Variants in TMLHE observed in about 807,000 individuals in gnomAD.
The protein encoded by TMLHE is trimethyllysine hydroxylase, epsilon.
A neutral mutation model predicts 25.7 loss-of-function variants in TMLHE; 18 were observed. The observed-to-expected ratio is 0.70, with a 90% CI of 0.48 to 1.04. The LOEUF (loss-of-function observed/expected upper bound fraction) is 1.04, where lower values mean the gene tolerates loss of function less well. Ranked by LOEUF, TMLHE falls within the 50% of genes least tolerant of loss-of-function variation. The probability of loss-of-function intolerance (pLI) is 0.00; values close to 1 mark genes in which losing one functional copy is unlikely to be tolerated. For synonymous variants in TMLHE, 105 were observed against 97.0 expected (o/e 1.08, Z -0.49); for missense variants, 236 against 259.0 (o/e 0.91, Z 0.61).
chrX:155,606,522 A>G (rs2067787486), intron 1 of TMLHE, among the ~76,000 whole-genome samples: 1 of 111,629 alleles, frequency 9.0e-6, no homozygotes, highest in Non-Finnish European at 1.9e-5. Context: ...TTGAGTAAAC[A>G]GTGAAATTAA....
At chrX:155,548,613 T>C (rs2067383423) in intron 1 of TMLHE, among the ~76,000 whole-genome samples, 2 of 108,492 alleles carry the variant, frequency 1.8e-5, no homozygotes, top group Non-Finnish European at 3.8e-5. Flanking sequence ...CACACACCTG[T>C]ATTCCCAGCT....
intron 1 of TMLHE, among the ~76,000 whole-genome samples, chrX:155,569,643 G>A (rs2067534967): frequency 1.8e-5 from 1 of 55,633 alleles, no homozygotes; most frequent in Non-Finnish European, 4.7e-5. Flanking sequence ...TCTCTCGGCA[G>A]AAACCCTACA....
chrX:155,557,151 C>T (rs1172421428), intron 1 of TMLHE, among the ~76,000 whole-genome samples: 9 of 111,598 alleles, frequency 8.1e-5, no homozygotes, highest in African/African-American at 2.6e-4. Flanking sequence ...ACATCCTTCT[C>T]GGCTGACAGG....
At chrX:155,610,379 C>T (rs1164954346) in intron 1 of TMLHE, among the ~76,000 whole-genome samples, 3 of 111,570 alleles carry the variant, frequency 2.7e-5, no homozygotes, top group Non-Finnish European at 3.8e-5. Flanking sequence ...ATGTCACTGA[C>T]GTGATGCAAA....
At chrX:155,515,790 GAT>G (rs2067148926) in intron 3 of TMLHE, among the ~76,000 whole-genome samples, 1 of 109,083 alleles carries the variant, frequency 9.2e-6, no homozygotes, top group African/African-American at 3.3e-5. Context: ...AACTATGGTT[GAT>G]GAGTCAAATC....
chrX:155,512,256 C>A (rs77725559), intron 4 of TMLHE, among the ~76,000 whole-genome samples: 1 of 107,358 alleles, frequency 9.3e-6, no homozygotes, highest in African/African-American at 3.5e-5. Context: ...CATGCTGGTG[C>A]GCTGCACCCA....
intron 1 of TMLHE, among the ~76,000 whole-genome samples, chrX:155,578,592 G>T (rs782330761): frequency 8.9e-6 from 1 of 111,969 alleles, no homozygotes; most frequent in East Asian, 2.8e-4. Flanking sequence ...GTTGTAGGAG[G>T]ATGCCCCATC....
intron 1 of TMLHE, among the ~76,000 whole-genome samples, chrX:155,556,157 A>G (rs184763888): frequency 4.1e-4 from 37 of 90,602 alleles, no homozygotes; most frequent in Non-Finnish European, 7.5e-4. Context: ...TCTCTAGAAG[A>G]TGAGAGTGAG....
intron 1 of TMLHE, among the ~76,000 whole-genome samples, chrX:155,547,379 C>G (rs1446131875): frequency 9.1e-6 from 1 of 110,187 alleles, no homozygotes. Flanking sequence ...CTCCTGACCT[C>G]GTGATCCGCC....
chrX:155,582,887 A>G (rs782004232), intron 1 of TMLHE, among the ~76,000 whole-genome samples: 72 of 112,326 alleles, frequency 6.4e-4, no homozygotes, highest in African/African-American at 2.3e-3. Flanking sequence ...GTTTATTGCG[A>G]AACTATTCAC....
intron 2 of TMLHE, among the ~76,000 whole-genome samples, chrX:155,542,482 T>A (rs972976950): frequency 2.7e-5 from 3 of 111,485 alleles, no homozygotes; most frequent in Non-Finnish European, 3.8e-5. Context: ...AAAACTCCAA[T>A]GGAATTTGTT....
chrX:155,557,375 G>A (rs888655154), intron 1 of TMLHE, among the ~76,000 whole-genome samples: 4 of 111,999 alleles, frequency 3.6e-5, no homozygotes, highest in South Asian at 3.7e-4. Context: ...CGGTCCCTCC[G>A]TTTGGGGCCC....
intron 1 of TMLHE, among the ~76,000 whole-genome samples, chrX:155,548,872 T>C (rs1557339541): frequency 1.8e-5 from 2 of 110,897 alleles, no homozygotes; most frequent in African/African-American, 6.7e-5. Context: ...TCAACCTCAT[T>C]AATGATTAGG....
intron 6 of TMLHE, among the ~76,000 whole-genome samples, chrX:155,500,366 A>G (rs1196786072): frequency 5.6e-5 from 6 of 107,671 alleles, no homozygotes; most frequent in African/African-American, 1.4e-4. Flanking sequence ...GCAGCCAAAA[A>G]ACACATGAAA....
In TMLHE at chrX:155,565,163, T is replaced by A. The variant is rs1397571141; in HGVS notation, c.-1-19886A>T. On this transcript the variant is annotated intron_variant, in intron 1 of 7. Coordinates refer to ENST00000334398, the MANE Select transcript of TMLHE (RefSeq NM_018196.4). ...AATAAGCACTGTTATATGTATTTAC[T>A]GTCAACAATATGCTGTGAGAGGAAA... Among the ~76,000 whole-genome samples, 9 of 62,476 alleles carry A rather than the reference T, an allele frequency of 1.4e-4. 1 individual carries two copies. The highest frequency in any genetic ancestry group is 3.1e-4 in the Non-Finnish European group (7 of 22,237). 54.3% of individuals were successfully genotyped at this position (62,476 alleles called of 115,157 possible).
At chrX:155,583,482 G>A (rs2067645338) in intron 1 of TMLHE, among the ~76,000 whole-genome samples, 1 of 93,227 alleles carries the variant, frequency 1.1e-5, no homozygotes, top group Admixed American at 1.2e-4. Flanking sequence ...ACAACATGTA[G>A]GAATTCAAGA....
intron 4 of TMLHE, among the ~76,000 whole-genome samples, chrX:155,512,378 C>T (rs1240533087): frequency 2.2e-5 from 2 of 89,636 alleles, no homozygotes; most frequent in Non-Finnish European, 4.2e-5. Flanking sequence ...TCCATGTGTT[C>T]TCATTGTTCA....
chrX:155,549,101 G>A (rs782727361), intron 1 of TMLHE, among the ~76,000 whole-genome samples: 10 of 111,436 alleles, frequency 9.0e-5, no homozygotes, highest in Non-Finnish European at 1.7e-4. Flanking sequence ...CTGGAATGCT[G>A]TAATCTTAAT....
chrX:155,536,368 C>A lies in TMLHE; in HGVS notation c.181+8728G>T, dbSNP rs190347863. Among the ~76,000 whole-genome samples, 4 of 111,544 alleles carry A rather than the reference C, an allele frequency of 3.6e-5. No individual in the cohort carries two copies. The East Asian group carries it at 1.1e-3, about 31-fold the overall frequency. On this transcript the variant is annotated intron_variant, in intron 2 of 7. Transcript: ENST00000334398. Reference sequence around the variant, plus strand: ...TACAGGCCACATATCTACAAATGATCTTCTCCTGCTCTACTAGATAGCTAG... The same window carrying A: ...TACAGGCCACATATCTACAAATGATATTCTCCTGCTCTACTAGATAGCTAG...
Sources: gnomAD v4.1 joint callset for allele counts (sites outside exome capture counted in the v4.1 genomes callset) on GRCh38, gnomAD v4.1.1 for gene constraint, MANE v1.5 for transcripts, NCBI Gene and HGNC (gene_info 2026-07-23, HGNC 2026-07-21) for gene names.